BMERB1: variants seen among roughly 807,000 people sequenced by gnomAD.
BMERB1 encodes the protein bMERB domain-containing protein 1.
BMERB1 carries 12 observed loss-of-function variants against 23.6 expected under a neutral mutation model. The observed-to-expected ratio is 0.51, with a 90% CI of 0.33 to 0.82. The LOEUF is 0.82. Among genes scored for constraint, BMERB1 ranks in the 40% least tolerant of loss-of-function variants. BMERB1 has a pLI of 0.03. For missense variants in BMERB1, 247 were observed against 255.4 expected, an observed-to-expected ratio of 0.97 and a Z score of 0.22; for synonymous variants, 122 against 96.6, an observed-to-expected ratio of 1.26 and a Z score of -1.54.
intron 1 of BMERB1, among the ~76,000 whole-genome samples, chr16:15,465,414 A>G (rs904454162): frequency 3.3e-4 from 49 of 146,916 alleles, no homozygotes; most frequent in African/African-American, 1.2e-3. Flanking sequence ...GTGCAGTGGT[A>G]TGATCTCGGC....
chr16:15,581,183 C>T (rs1473798195), intron 3 of BMERB1, 34 bp from the exon 4 acceptor site: 2 of 1,540,268 alleles, frequency 1.3e-6, no homozygotes, highest in Admixed American at 1.9e-5. Flanking sequence ...TCCCAAAATG[C>T]TCATCTGTCT....
chr16:15,441,430 C>G (rs1248298522), intron 1 of BMERB1, among the ~76,000 whole-genome samples: 3 of 151,958 alleles, frequency 2.0e-5, no homozygotes, highest in Non-Finnish European at 4.4e-5. Context: ...CTTGCCCAGG[C>G]TGGAGTGCAG....
chr16:15,512,870 C>T (rs541408677), intron 1 of BMERB1, among the ~76,000 whole-genome samples: 2 of 150,646 alleles, frequency 1.3e-5, no homozygotes, highest in South Asian at 2.1e-4. Context: ...CAGAGGGATA[C>T]TCCGTCTCAA....
chr16:15,555,906 G>A (rs747863488), intron 2 of BMERB1, among the ~76,000 whole-genome samples: 33 of 152,194 alleles, frequency 2.2e-4, no homozygotes, highest in Non-Finnish European at 4.0e-4. Flanking sequence ...CTGGCCAGGC[G>A]CGGTGGCTCA....
At chr16:15,500,344 G>C (rs751852821) in intron 1 of BMERB1, among the ~76,000 whole-genome samples, 3 of 152,114 alleles carry the variant, frequency 2.0e-5, no homozygotes, top group African/African-American at 4.8e-5. Flanking sequence ...GGAGGGTCTC[G>C]TGTGACCTGT....
chr16:15,539,505 C>T (rs529190483), intron 2 of BMERB1, among the ~76,000 whole-genome samples: 35 of 152,198 alleles, frequency 2.3e-4, no homozygotes, highest in African/African-American at 5.3e-4. Context: ...AAGTTGGGTA[C>T]GCTCTGGGAT....
At chr16:15,586,695 C>T (rs2031152467) in intron 5 of BMERB1, 22 bp from the exon 6 acceptor site, 3 of 1,574,526 alleles carry the variant, frequency 1.9e-6, no homozygotes, top group Non-Finnish European at 1.7e-6. Context: ...CCCCCTCTCC[C>T]TGTGCCCACA....
chr16:15,558,847 G>A (rs1333335733), intron 2 of BMERB1, among the ~76,000 whole-genome samples: 1 of 151,146 alleles, frequency 6.6e-6, no homozygotes, highest in East Asian at 2.0e-4. Context: ...GTTCGGTTTC[G>A]CCATTCTCAC....
intron 1 of BMERB1, among the ~76,000 whole-genome samples, chr16:15,468,162 T>TA (rs1555506728): frequency 4.6e-5 from 3 of 64,540 alleles, no homozygotes; most frequent in Non-Finnish European, 3.1e-5. Context: ...TTTTTTTTTT[T>TA]TGAGGCAGGG....
intron 1 of BMERB1, among the ~76,000 whole-genome samples, chr16:15,512,037 A>AAAAAAAAAAAG (rs2051673664): frequency 6.7e-6 from 1 of 149,272 alleles, no homozygotes; most frequent in Non-Finnish European, 1.5e-5. Context: ...AAAAAAAAAA[A>AAAAAAAAAAAG]AGGGGGAATT....
intron 1 of BMERB1, among the ~76,000 whole-genome samples, chr16:15,484,096 C>T (rs1340772412): frequency 6.6e-6 from 1 of 152,134 alleles, no homozygotes; most frequent in East Asian, 1.9e-4. Flanking sequence ...AGCCAGATCT[C>T]TTGGGAATTA....
At chr16:15,542,149 C>CG (rs1756463392) in intron 2 of BMERB1, among the ~76,000 whole-genome samples, 1 of 151,320 alleles carries the variant, frequency 6.6e-6, no homozygotes, top group African/African-American at 2.4e-5. Flanking sequence ...CTGCAACCTC[C>CG]GCCTCCCAGG....
chr16:15,517,221 C>CAT (rs2051771902), intron 2 of BMERB1, among the ~76,000 whole-genome samples: 1 of 152,168 alleles, frequency 6.6e-6, no homozygotes, highest in Non-Finnish European at 1.5e-5. Flanking sequence ...AAAAGGAAGA[C>CAT]AGAGAGGCCA....
chr16:15,484,829 C>T (rs2150936736), intron 1 of BMERB1, among the ~76,000 whole-genome samples: 1 of 152,322 alleles, frequency 6.6e-6, no homozygotes, highest in South Asian at 2.1e-4. Flanking sequence ...AGATGCCAAA[C>T]ATTTTCATCA....
In BMERB1 at chr16:15,472,655, A is replaced by G. The variant is rs1402871518; in HGVS notation, c.106+37896A>G. On this transcript the variant is annotated intron_variant, in intron 1 of 5. Transcript: ENST00000300006. ...TATATTTGAAGTGAGTTTCTTCTAG[A>G]TAACATATTGCTGGATAATGTTTTC... Among the ~76,000 whole-genome samples, 3 of 150,442 alleles carry G rather than the reference A, an allele frequency of 2.0e-5. No homozygotes were observed. The Admixed American group carries it at 2.0e-4, about 10-fold the overall frequency.
chr16:15,459,168 C>G (rs1272506351), intron 1 of BMERB1, among the ~76,000 whole-genome samples: 1 of 151,750 alleles, frequency 6.6e-6, no homozygotes, highest in Non-Finnish European at 1.5e-5. Flanking sequence ...AAATGGCACA[C>G]TGGAAAATAA....
chr16:15,450,198 G>T (rs2051029753), intron 1 of BMERB1, among the ~76,000 whole-genome samples: 1 of 152,118 alleles, frequency 6.6e-6, no homozygotes, highest in Non-Finnish European at 1.5e-5. Context: ...AATGGATGTG[G>T]CTATGTTTTG....
At chr16:15,516,972 C>T (rs937179299) in intron 2 of BMERB1, among the ~76,000 whole-genome samples, 3 of 152,162 alleles carry the variant, frequency 2.0e-5, no homozygotes, top group Non-Finnish European at 4.4e-5. Context: ...CGTTATATGA[C>T]CTTCCCTCTC....
intron 2 of BMERB1, among the ~76,000 whole-genome samples, chr16:15,519,813 A>T (rs1486952184): frequency 6.6e-6 from 1 of 152,112 alleles, no homozygotes; most frequent in African/African-American, 2.4e-5. Context: ...CCTTTCCCCC[A>T]AGATCCACAG....
Sources: gnomAD v4.1 joint callset for allele counts (sites outside exome capture counted in the v4.1 genomes callset) on GRCh38, gnomAD v4.1.1 for gene constraint, MANE v1.5 for transcripts, NCBI Gene and HGNC (gene_info 2026-07-23, HGNC 2026-07-21) for gene names.